The following OSBPL3 variants were observed in gnomAD, a reference collection of about 807,000 sequenced individuals.
OSBPL3 encodes the protein oxysterol-binding protein-related protein 3.
OSBPL3 carries 65 observed loss-of-function variants against 120.1 expected under a neutral mutation model. The ratio of observed to expected loss-of-function variants is 0.54; its 90% CI spans 0.44 to 0.67. OSBPL3 has a LOEUF of 0.67. Ranked by LOEUF, OSBPL3 falls within the 30% of genes least tolerant of loss-of-function variation. The probability of loss-of-function intolerance (pLI) is 0.00; values close to 1 mark genes in which losing one functional copy is unlikely to be tolerated. For missense variants in OSBPL3, 1,004 were observed against 1,082.1 expected (o/e 0.93, Z 1.01); for synonymous variants, 416 against 402.6 (o/e 1.03, Z -0.40).
At chr7:24,957,538 A>G (rs1217875049) in intron 1 of OSBPL3, among the ~76,000 whole-genome samples, 1 of 152,164 alleles carries the variant, frequency 6.6e-6, no homozygotes, top group Non-Finnish European at 1.5e-5. Flanking sequence ...CTACGCTTCA[A>G]CTTGTTTTGC....
chr7:24,870,826 T>G lies in OSBPL3; in HGVS notation c.287A>C (p.His96Pro). ...SQTDIEREKL[H>P]GCIDVGLSVM... Reference sequence around the variant, plus strand: ...TGAGAGCCCGACATCAATGCAGCCATGCAGCTTCTCTCTCTCTATCTGCAG... The same window carrying G: ...TGAGAGCCCGACATCAATGCAGCCAGGCAGCTTCTCTCTCTCTATCTGCAG... Residue 96 changes from histidine to proline, a missense_variant, in exon 5 of 23, where the codon CAT (histidine) becomes CCT (proline). Transcript: ENST00000313367. 1 of 1,613,218 alleles carries G rather than the reference T, an allele frequency of 6.2e-7. No individual in the cohort carries two copies. The highest frequency in any genetic ancestry group is 8.5e-7 in the Non-Finnish European group (1 of 1,179,156).
intron 19 of OSBPL3, among the ~76,000 whole-genome samples, chr7:24,812,570 G>GT (rs1277747363): frequency 8.6e-5 from 13 of 151,792 alleles, no homozygotes; most frequent in South Asian, 2.1e-4. Flanking sequence ...TTTGTTTTTT[G>GT]TTTTTCAAAT....
At chr7:24,870,958 A>C (rs1802027020) in intron 4 of OSBPL3, 113 bp from the exon 5 acceptor site, 2 of 727,686 alleles carry the variant, frequency 2.7e-6, no homozygotes, top group South Asian at 1.5e-5. Context: ...ACTGCGACTC[A>C]TCAAGCACTT....
rs1021368186 is a variant in OSBPL3 at position 24,936,962 on chromosome 7, T to C, written c.-150+42924A>G. 6.6e-6 allele frequency among the ~76,000 whole-genome samples: 1 copy of C among 152,168 alleles called. No homozygotes were observed. The highest frequency in any genetic ancestry group is 1.5e-5 in the Non-Finnish European group (1 of 68,014). ...CTAGAGGCAGCAACAGCAGTTGTCA[T>C]AGAAAAGGATACTGTATTAGTCCAT... is the stretch of plus-strand genomic sequence containing the variant. On this transcript the variant is annotated intron_variant, in intron 1 of 22. Coordinates refer to ENST00000313367, the MANE Select transcript of OSBPL3 (RefSeq NM_015550.4). The surrounding 1 kb of genome is among the most constrained non-coding windows in gnomAD (Gnocchi z 4.2).
rs1554404721 is a variant in OSBPL3, at chr7:24,916,922, C to CCT, written c.-149-24302_-149-24301insAG. ...ACTAAGACGTCTTCCATTTCCACCC[C>CCT]CCCCAACCTTTTTAGAAAATTAAAT... On this transcript the variant is annotated intron_variant, in intron 1 of 22. Coordinates refer to ENST00000313367, the MANE Select transcript of OSBPL3 (RefSeq NM_015550.4). This position sits in a 1 kb window ranked among gnomAD's most constrained non-coding sequence, Gnocchi z 4.9. Among the ~76,000 whole-genome samples, 1 of 126,600 alleles carries CCT rather than the reference C, an allele frequency of 7.9e-6. No homozygotes were observed. Among genetic ancestry groups the CCT allele is most frequent in the Non-Finnish European group, 1.8e-5 (1 of 55,576 alleles). 83.1% of individuals were successfully genotyped at this position (126,600 alleles called of 152,430 possible).
At chr7:24,868,965 C>T (rs1019036259) in intron 5 of OSBPL3, among the ~76,000 whole-genome samples, 13 of 152,248 alleles carry the variant, frequency 8.5e-5, no homozygotes, top group Non-Finnish European at 1.9e-4. Flanking sequence ...GTTCTAGGGC[C>T]GTGGGTGAGC....
Position 24,871,740 on chromosome 7 carries a change from A to C in OSBPL3, c.267+2T>G. The C allele has an allele frequency of 6.2e-7, 1 of 1,610,990 alleles. No individual in the cohort carries two copies. Among genetic ancestry groups the C allele is most frequent in the Non-Finnish European group, 8.5e-7 (1 of 1,177,190 alleles). On this transcript the variant is annotated splice_donor_variant, in intron 4 of 22. Coordinates refer to ENST00000313367, the MANE Select transcript of OSBPL3 (RefSeq NM_015550.4). LOFTEE classifies it high-confidence loss of function. This position sits in a 1 kb window ranked among gnomAD's most constrained non-coding sequence, Gnocchi z 4.8. ...CCACAGTGGGCCCACAAAAAGACTT[A>C]CATCGGTTTGGCTCTTGGCATATTT...
In OSBPL3 at chr7:24,964,650, G is replaced by A. The variant is rs1036901809; in HGVS notation, c.-150+15236C>T. ...ACATGGAGTCCTGGAACGGCAAAAG[G>A]ACACTAAGGAAAAGCTAAGGAAATC... On this transcript the variant is annotated intron_variant, in intron 1 of 22. Coordinates refer to ENST00000313367, the MANE Select transcript of OSBPL3 (RefSeq NM_015550.4). The surrounding 1 kb of genome is among the most constrained non-coding windows in gnomAD (Gnocchi z 4.2). Among the ~76,000 whole-genome samples, 1 of 152,204 alleles carries A rather than the reference G, an allele frequency of 6.6e-6. No individual in the cohort carries two copies. Among genetic ancestry groups the A allele is most frequent in the South Asian group, 2.1e-4 (1 of 4,830 alleles).
intron 22 of OSBPL3, among the ~76,000 whole-genome samples, 174 bp from the exon 23 acceptor site, chr7:24,800,453 C>CT (rs766653677): frequency 0.1 from 12,446 of 119,474 alleles, 940 homozygotes; most frequent in South Asian, 0.23. Context: ...AATTTTGTTA[C>CT]TTTTTTTTTT....
chr7:24,903,209 C>T (rs1807326245), intron 1 of OSBPL3, among the ~76,000 whole-genome samples: 1 of 152,198 alleles, frequency 6.6e-6, no homozygotes, highest in Admixed American at 6.5e-5. Flanking sequence ...TGGCTCCCAG[C>T]CTCAACTTGA....
chr7:24,885,132 G>A (rs1804303877), intron 2 of OSBPL3, among the ~76,000 whole-genome samples: 1 of 151,042 alleles, frequency 6.6e-6, no homozygotes. Context: ...TGAGGCAGGA[G>A]AATCGCTTGA....
At position 24,932,211 on chromosome 7, in the gene OSBPL3, T is replaced by C. The variant is rs1811871642; in HGVS notation, c.-149-39590A>G. Among the ~76,000 whole-genome samples the C allele has an allele frequency of 6.6e-6, 1 of 152,220 alleles. No homozygotes were observed. Among genetic ancestry groups the C allele is most frequent in the Admixed American group, 6.5e-5 (1 of 15,284 alleles). On this transcript the variant is annotated intron_variant, in intron 1 of 22. Transcript: ENST00000313367. This position sits in a 1 kb window ranked among gnomAD's most constrained non-coding sequence, Gnocchi z 5.6. ...CTTTAAAGCTTCGGCAACTGAGGCT[T>C]AACAAGGTCATATTTGTCCACCATC...
In OSBPL3 at chr7:24,866,151, T is replaced by C; in HGVS notation, c.468A>G (p.Pro156=). Residue 156 remains proline, a synonymous_variant, in exon 6 of 23, where the codon CCA becomes CCG. Coordinates refer to ENST00000313367, the MANE Select transcript of OSBPL3 (RefSeq NM_015550.4). The part of the protein sequence containing the change: ...MYRQNEIAMF[P]HEVNHFFSGS... ...CTGAGAAAAAGTGGTTAACTTCATG[T>C]GGAAACATGGCAATTTCATTCTGAC... The C allele has an allele frequency of 6.2e-7, 1 of 1,613,200 alleles. No homozygotes were observed. Among genetic ancestry groups the C allele is most frequent in the Non-Finnish European group, 8.5e-7 (1 of 1,179,130 alleles).
Position 24,891,122 on chromosome 7 carries a change from G to C in OSBPL3, c.96+1255C>G, listed in dbSNP as rs1805285178. On this transcript the variant is annotated intron_variant, in intron 2 of 22. Coordinates refer to ENST00000313367, the MANE Select transcript of OSBPL3 (RefSeq NM_015550.4). This position sits in a 1 kb window ranked among gnomAD's most constrained non-coding sequence, Gnocchi z 4.1. ...GAGAAAAATACTCCTGTGGAAAGCT[G>C]ACAAAGAGGACAAGCACAGTGACCC... Among the ~76,000 whole-genome samples, 1 of 152,122 alleles carries C rather than the reference G, an allele frequency of 6.6e-6. No homozygotes were observed. The highest frequency in any genetic ancestry group is 1.5e-5 in the Non-Finnish European group (1 of 68,032).
chr7:24,961,221 G>A (rs140407985), intron 1 of OSBPL3, among the ~76,000 whole-genome samples: 251 of 152,154 alleles, frequency 1.6e-3, no homozygotes, highest in Non-Finnish European at 2.9e-3. Context: ...TAATAAAGAT[G>A]GTCTTTTGGC....
intron 1 of OSBPL3, among the ~76,000 whole-genome samples, chr7:24,945,734 T>G (rs1813648763): frequency 6.6e-6 from 1 of 152,222 alleles, no homozygotes; most frequent in African/African-American, 2.4e-5. Context: ...ACTACATTAA[T>G]CACAATGTAA....
In OSBPL3 at chr7:24,834,251, A is replaced by G. The variant is rs1219418761; in HGVS notation, c.1746+235T>C. The G allele has an allele frequency of 2.3e-6, 3 of 1,332,878 alleles. No individual in the cohort carries two copies. In the East Asian group the frequency reaches 9.6e-5, roughly 43 times the overall value. The allele number at this position is 1,332,878 out of a possible 1,614,324, so 82.6% of individuals were successfully genotyped here. A position where few individuals can be genotyped will look rare whatever the true frequency, so the allele number is the denominator to read the frequency against. On this transcript the variant is annotated intron_variant, in intron 15 of 22. Transcript: ENST00000313367. This position sits in a 1 kb window ranked among gnomAD's most constrained non-coding sequence, Gnocchi z 5.2. ...AAGCACAAACCCACAGAACAGAACT[A>G]CCCCAGGCACCAAGTGCCACGGAGA...
At chr7:24,901,376 T>G (rs1807006118) in intron 1 of OSBPL3, among the ~76,000 whole-genome samples, 1 of 148,562 alleles carries the variant, frequency 6.7e-6, no homozygotes. Context: ...AGAGAGAGAG[T>G]TGGTAAGACA....
At chr7:24,910,668 A>T (rs1808686912) in intron 1 of OSBPL3, among the ~76,000 whole-genome samples, 1 of 152,254 alleles carries the variant, frequency 6.6e-6, no homozygotes, top group Admixed American at 6.5e-5. Context: ...AAATGAAACA[A>T]GCCAGAACAC....
Sources: allele counts gnomAD v4.1 joint callset (sites outside exome capture counted in the v4.1 genomes callset), GRCh38; gene constraint gnomAD v4.1.1; non-coding constraint Gnocchi (gnomAD v3.1); transcripts MANE v1.5; gene names NCBI Gene and HGNC (gene_info 2026-07-23, HGNC 2026-07-21).